RIF1: variants seen among roughly 807,000 people sequenced by gnomAD.
The protein encoded by RIF1 is telomere-associated protein RIF1.
Under a neutral mutation model 247.1 loss-of-function variants are expected in RIF1, and 45 were observed. That is an observed-to-expected ratio of 0.18 (90% CI 0.14 to 0.23). The LOEUF is 0.23. Among genes scored for constraint, RIF1 ranks in the 10% least tolerant of loss-of-function variants. The pLI is 1.00. For synonymous variants in RIF1, 1,087 were observed against 978.8 expected, an observed-to-expected ratio of 1.11 and a Z score of -2.06; for missense variants, 2,967 against 2,862.5, an observed-to-expected ratio of 1.04 and a Z score of -0.83.
the RIF1 span, chr2:151,533,442 C>T: frequency 6.5e-7 from 1 of 1,545,578 alleles, no homozygotes; most frequent in South Asian, 1.2e-5. Flanking sequence ...CAGACATTAC[C>T]TGGCTCCACA....
At chr2:151,449,844 CT>C (rs11405455) in intron 20 of RIF1, among the ~76,000 whole-genome samples, 85 of 137,108 alleles carry the variant, frequency 6.2e-4, no homozygotes, top group East Asian at 2.9e-3. Context: ...ACTTTGATGC[CT>C]TTTTTTTTTT....
In RIF1 at chr2:151,498,089, TAAA is replaced by T. The variant is rs1215126627; in HGVS notation, c.*514-1252_*514-1250del. 3 of 1,471,438 alleles carry T rather than the reference TAAA, an allele frequency of 2.0e-6. No homozygotes were observed. The African/African-American group carries it at 4.3e-5, about 21-fold the overall frequency. The allele number at this position is 1,471,438 out of a possible 1,614,324, so 91.1% of individuals were successfully genotyped here. A position where few individuals can be genotyped will look rare whatever the true frequency, so the allele number is the denominator to read the frequency against. ...GTTTGTTTGTAAATATCAGATGAAG[TAAA>T]AAATTGACATTAACTGTATTATAGA... On this transcript the variant is annotated intron_variant and NMD_transcript_variant, in intron 10 of 13. Coordinates refer to the RIF1 transcript ENST00000454583.
At chr2:151,424,653 A>G (rs183779937) in intron 8 of RIF1, among the ~76,000 whole-genome samples, 293 of 151,744 alleles carry the variant, frequency 1.9e-3, no homozygotes, top group Non-Finnish European at 2.6e-3. Context: ...TCTATGCTTA[A>G]CTTTTTGAGA....
intron 21 of RIF1, among the ~76,000 whole-genome samples, chr2:151,453,992 A>G (rs1694788403): frequency 6.6e-6 from 1 of 152,150 alleles, no homozygotes; most frequent in Non-Finnish European, 1.5e-5. Context: ...CTTGTATGTA[A>G]CCAGTCTCCT....
At chr2:151,519,317 T>C in the RIF1 span, among the ~76,000 whole-genome samples, 1 of 152,216 alleles carries the variant, frequency 6.6e-6, no homozygotes, top group African/African-American at 2.4e-5. Context: ...AGTTCTGATA[T>C]ATCCTACAAC....
intron 11 of RIF1, among the ~76,000 whole-genome samples, chr2:151,502,419 A>G (rs1324554786): frequency 6.6e-6 from 1 of 152,118 alleles, no homozygotes; most frequent in African/African-American, 2.4e-5. Context: ...CTGCAAACAT[A>G]AAGAATACAT....
chr2:151,503,367 A>T, intron 12 of RIF1: 1 of 1,611,598 alleles, frequency 6.2e-7, no homozygotes, highest in African/African-American at 1.3e-5. Flanking sequence ...AGTTCTCTTG[A>T]TTGCGTTTGA....
chr2:151,425,417 T>C (rs1688876149), intron 8 of RIF1, among the ~76,000 whole-genome samples: 1 of 152,096 alleles, frequency 6.6e-6, no homozygotes, highest in Non-Finnish European at 1.5e-5. Context: ...TTTTTGTTAT[T>C]GCTAGTACTT....
At chr2:151,452,077 G>A (rs1416702454) in intron 21 of RIF1, among the ~76,000 whole-genome samples, 1 of 152,092 alleles carries the variant, frequency 6.6e-6, no homozygotes, top group East Asian at 1.9e-4. Flanking sequence ...TTATTTGCAA[G>A]CCTGATTTAA....
the RIF1 span, chr2:151,532,086 C>A: frequency 2.0e-6 from 1 of 495,120 alleles, no homozygotes; most frequent in Non-Finnish European, 3.6e-6. Context: ...GATACTACTA[C>A]TAATAATTTC....
At chr2:151,519,759 G>T in the RIF1 span, 1 of 1,604,748 alleles carries the variant, frequency 6.2e-7, no homozygotes, top group South Asian at 1.1e-5. Context: ...AAATTTTCTC[G>T]GTATTTAACC....
At chr2:151,513,702 G>T in the RIF1 span, 1 of 1,551,946 alleles carries the variant, frequency 6.4e-7, no homozygotes, top group Non-Finnish European at 8.8e-7. Context: ...TTCTATAGTA[G>T]CATTAAAAGA....
chr2:151,449,844 CTTTT>C (rs11405455), intron 20 of RIF1, among the ~76,000 whole-genome samples: 2 of 137,158 alleles, frequency 1.5e-5, no homozygotes, highest in African/African-American at 2.7e-5. Flanking sequence ...ACTTTGATGC[CTTTT>C]TTTTTTTTTT....
chr2:151,495,760 A>G (rs922978559), intron 10 of RIF1, among the ~76,000 whole-genome samples: 1 of 152,168 alleles, frequency 6.6e-6, no homozygotes, highest in African/African-American at 2.4e-5. Flanking sequence ...TTGATAATCA[A>G]TAATTGCCAA....
At chr2:151,488,046 G>T (rs1206067535) in intron 9 of RIF1, among the ~76,000 whole-genome samples, 1 of 151,612 alleles carries the variant, frequency 6.6e-6, no homozygotes, top group Non-Finnish European at 1.5e-5. Context: ...TATATTCCTG[G>T]TTACTAGTCA....
chr2:151,462,705 C>T (rs1177578828), intron 29 of RIF1, among the ~76,000 whole-genome samples, 179 bp from the exon 30 acceptor site: 2 of 151,924 alleles, frequency 1.3e-5, no homozygotes. Flanking sequence ...TGAATATTTA[C>T]AATTAGGAAC....
At chr2:151,492,463 A>G (rs1465063402) in intron 9 of RIF1, 3 of 1,613,330 alleles carry the variant, frequency 1.9e-6, no homozygotes, top group Non-Finnish European at 2.5e-6. Context: ...TTTGCCTTGT[A>G]TTTGTTTCCG....
In RIF1 at chr2:151,503,556, T is replaced by C. The variant is rs946386365; in HGVS notation, c.*861+371T>C. ...ATAAAAACAATCTAGCTCTCAAATA[T>C]AACATTCAAGGAACAGGGGGGAAAA... is the stretch of plus-strand genomic sequence containing the variant. On this transcript the variant is annotated intron_variant and NMD_transcript_variant, in intron 12 of 13. Transcript: ENST00000454583. The C allele has an allele frequency of 5.3e-5, 35 of 660,518 alleles. 1 individual carries two copies. In the South Asian group the frequency reaches 5.8e-4, roughly 11 times the overall value. The allele number at this position is 660,518 out of a possible 1,614,324, so 40.9% of individuals were successfully genotyped here.
intron 23 of RIF1, 59 bp from the exon 24 acceptor site, chr2:151,457,700 CAT>C: frequency 7.9e-7 from 1 of 1,258,912 alleles, no homozygotes; most frequent in Middle Eastern, 2.3e-4. Context: ...GAAATAGCAA[CAT>C]ATATTCTGTG....
Sources: gnomAD v4.1 joint callset for allele counts (sites outside exome capture counted in the v4.1 genomes callset) on GRCh38, gnomAD v4.1.1 for gene constraint, MANE v1.5 for transcripts, NCBI Gene and HGNC (gene_info 2026-07-23, HGNC 2026-07-21) for gene names.